The following CNBD1 variants were observed in gnomAD, a reference collection of about 807,000 sequenced individuals.
The protein encoded by CNBD1 is cyclic nucleotide-binding domain-containing protein 1.
Under a neutral mutation model 54.4 loss-of-function variants are expected in CNBD1, and 71 were observed. The observed-to-expected ratio is 1.30, with a 90% CI of 1.08 to 1.59. The LOEUF is 1.59. Among genes scored for constraint, CNBD1 ranks in the 40% most tolerant of loss-of-function variants. CNBD1 has a pLI of 0.00. For synonymous variants in CNBD1, 182 were observed against 170.7 expected (o/e 1.07, Z -0.51); for missense variants, 659 against 518.0 (o/e 1.27, Z -2.64).
At chr8:87,001,333 T>G (rs2130545082) in intron 4 of CNBD1, among the ~76,000 whole-genome samples, 1 of 152,290 alleles carries the variant, frequency 6.6e-6, no homozygotes. Flanking sequence ...TCCAGTTTTT[T>G]GTGTTATATT....
chr8:87,253,141 G>A (rs1284522869), intron 6 of CNBD1, among the ~76,000 whole-genome samples: 1 of 152,084 alleles, frequency 6.6e-6, no homozygotes, highest in Non-Finnish European at 1.5e-5. Flanking sequence ...CCAAGCCAGT[G>A]GAAAGTTTGA....
intron 10 of CNBD1, among the ~76,000 whole-genome samples, chr8:87,357,492 A>T (rs1243019097): frequency 6.6e-6 from 1 of 152,192 alleles, no homozygotes; most frequent in Non-Finnish European, 1.5e-5. Context: ...TAAAATTTTA[A>T]TACCTGCTCT....
intron 3 of CNBD1, among the ~76,000 whole-genome samples, chr8:86,912,172 G>C (rs2131815810): frequency 6.6e-6 from 1 of 152,186 alleles, no homozygotes; most frequent in East Asian, 1.9e-4. Flanking sequence ...GAAGGGGTTA[G>C]TCAGCATTAA....
intron 8 of CNBD1, 144 bp downstream of exon 8, chr8:87,286,815 A>G (rs28454114): frequency 0.25 from 163,710 of 647,544 alleles, 22,243 homozygotes; most frequent in African/African-American, 0.39. Flanking sequence ...TGAATTGGAC[A>G]TTTAGATTAT....
intron 4 of CNBD1, among the ~76,000 whole-genome samples, chr8:87,148,503 A>G (rs1292791500): frequency 1.3e-5 from 2 of 152,204 alleles, no homozygotes; most frequent in East Asian, 1.9e-4. Context: ...CTGGCAAGAT[A>G]TAACTATGAA....
intron 4 of CNBD1, among the ~76,000 whole-genome samples, chr8:87,186,039 C>A (rs1442870352): frequency 1.3e-5 from 2 of 152,016 alleles, no homozygotes; most frequent in African/African-American, 4.8e-5. Context: ...TCAATATCTG[C>A]AAAACAATTA....
chr8:86,973,826 A>C (rs189505699), intron 4 of CNBD1, among the ~76,000 whole-genome samples: 1 of 152,298 alleles, frequency 6.6e-6, no homozygotes, highest in East Asian at 1.9e-4. Context: ...GAGGGGATAA[A>C]AGAAAATTTA....
intron 4 of CNBD1, among the ~76,000 whole-genome samples, chr8:86,973,136 C>T (rs1478765049): frequency 6.6e-6 from 1 of 152,278 alleles, no homozygotes; most frequent in South Asian, 2.1e-4. Context: ...TGGCTCCTAC[C>T]TACTCTAGAA....
At chr8:86,984,477 A>G (rs1434232917) in intron 4 of CNBD1, among the ~76,000 whole-genome samples, 1 of 152,118 alleles carries the variant, frequency 6.6e-6, no homozygotes, top group East Asian at 1.9e-4. Flanking sequence ...AACATCTTGC[A>G]CTGTGTGTCT....
At chr8:87,411,735 A>G (rs1429539209) in intron 2 of CNBD1, among the ~76,000 whole-genome samples, 1 of 151,012 alleles carries the variant, frequency 6.6e-6, no homozygotes, top group African/African-American at 2.4e-5. Flanking sequence ...CCACCAAGTT[A>G]TGTACTGAAA....
At chr8:86,901,575 C>T (rs1027556004) in intron 2 of CNBD1, among the ~76,000 whole-genome samples, 29 of 152,122 alleles carry the variant, frequency 1.9e-4, no homozygotes, top group African/African-American at 6.3e-4. Context: ...AGTAGCTTTG[C>T]ACAATATAAT....
intron 5 of CNBD1, among the ~76,000 whole-genome samples, chr8:87,223,186 C>A (rs1814382123): frequency 6.7e-6 from 1 of 149,620 alleles, no homozygotes; most frequent in South Asian, 2.1e-4. Flanking sequence ...CCTCCCTTTA[C>A]CTCCCCACCT....
intron 4 of CNBD1, among the ~76,000 whole-genome samples, chr8:87,073,352 G>A (rs1046264230): frequency 1.8e-4 from 27 of 152,020 alleles, no homozygotes; most frequent in African/African-American, 6.0e-4. Context: ...TGCCGGAGAG[G>A]TATTGTAGTC....
chr8:86,983,424 A>G (rs534944454), intron 4 of CNBD1, among the ~76,000 whole-genome samples: 3 of 152,322 alleles, frequency 2.0e-5, no homozygotes, highest in South Asian at 4.1e-4. Flanking sequence ...TGCTGAAAAT[A>G]TACCCAAAAA....
At chr8:87,256,137 C>T (rs1305939234) in intron 6 of CNBD1, among the ~76,000 whole-genome samples, 3 of 147,826 alleles carry the variant, frequency 2.0e-5, no homozygotes, top group Non-Finnish European at 4.5e-5. Flanking sequence ...ATTCTCCTGC[C>T]TCAGCCTCCC....
chr8:87,053,734 C>T (rs1810357985), intron 4 of CNBD1, among the ~76,000 whole-genome samples: 2 of 152,166 alleles, frequency 1.3e-5, no homozygotes, highest in East Asian at 3.9e-4. Flanking sequence ...GTATGGATCC[C>T]AGGTCTCCCA....
intron 2 of CNBD1, among the ~76,000 whole-genome samples, chr8:87,406,028 T>C (rs1807646218): frequency 6.6e-6 from 1 of 152,156 alleles, no homozygotes; most frequent in East Asian, 1.9e-4. Flanking sequence ...TCTATGGATA[T>C]TGAAGCAGAG....
Position 86,953,921 on chromosome 8 carries a change from C to T in CNBD1, c.431+14167C>T, listed in dbSNP as rs148939805. ...ACATGTTAAATAATCCTGTTTATCACTCCTTTGGACACTCCAGGGGCTCTC... is the reference window on the plus strand; with the variant it reads ...ACATGTTAAATAATCCTGTTTATCATTCCTTTGGACACTCCAGGGGCTCTC... On this transcript the variant is annotated intron_variant, in intron 4 of 10. Coordinates refer to ENST00000518476, the MANE Select transcript of CNBD1 (RefSeq NM_173538.3). Among the ~76,000 whole-genome samples the T allele has an allele frequency of 4.5e-3, 678 of 152,284 alleles. 6 individuals carry two copies. The highest frequency in any genetic ancestry group is 0.016 in the African/African-American group (652 of 41,566).
At chr8:87,240,595 A>G (rs1807675738) in intron 6 of CNBD1, among the ~76,000 whole-genome samples, 2 of 152,190 alleles carry the variant, frequency 1.3e-5, no homozygotes, top group Admixed American at 6.5e-5. Flanking sequence ...ATTGTGCCAT[A>G]GAATCCAGCA....
Sources: allele counts gnomAD v4.1 joint callset (sites outside exome capture counted in the v4.1 genomes callset), GRCh38; gene constraint gnomAD v4.1.1; transcripts MANE v1.5; gene names NCBI Gene and HGNC (gene_info 2026-07-23, HGNC 2026-07-21).